The following BCL6 variants were observed in gnomAD, a reference collection of about 807,000 sequenced individuals.
BCL6 encodes the protein BCL6 transcription repressor, also known as B-cell lymphoma 6 protein.
In BCL6, 7 loss-of-function variants were observed where a neutral mutation model predicts 59.5. That is an observed-to-expected ratio of 0.12 (90% CI 0.07 to 0.22). The LOEUF (loss-of-function observed/expected upper bound fraction) is 0.22. Among genes scored for constraint, BCL6 ranks in the 10% least tolerant of loss-of-function variants. The pLI, the probability that BCL6 is intolerant of heterozygous loss-of-function variation, is 1.00. For missense variants in BCL6, 685 were observed against 939.4 expected (o/e 0.73, Z 3.54); for synonymous variants, 339 against 349.7 (o/e 0.97, Z 0.34).
At chr3:187,726,982 C>G (rs1718738545) in intron 6 of BCL6, 84 bp from the exon 7 acceptor site, 1 of 1,478,094 alleles carries the variant, frequency 6.8e-7, no homozygotes, top group African/African-American at 1.4e-5. Flanking sequence ...TGTAGCTACC[C>G]CTTGTGCCAA....
chr3:187,745,186 G>C (rs186748895), intron 1 of BCL6, among the ~76,000 whole-genome samples: 12 of 152,004 alleles, frequency 7.9e-5, no homozygotes, highest in Middle Eastern at 3.4e-3. Context: ...CTAATCTTCG[G>C]CATTTATTTT....
chr3:187,729,753 T>A lies in BCL6; in HGVS notation c.652A>T (p.Met218Leu). ...FSDEEFRDVRMPVANPFPKER... is the reference protein window; with the variant it reads ...FSDEEFRDVRLPVANPFPKER... ...TTGGGGAAGGGGTTGGCCACAGGCA[T>A]CCGGACATCCCGAAACTCCTCATCG... Residue 218 changes from methionine (M) to leucine (L), a missense_variant, in exon 5 of 10, where the codon ATG becomes TTG. Met to Leu is a conservative substitution (Grantham distance 15, BLOSUM62 2). Transcript: ENST00000406870. The surrounding 1 kb of genome is among the most constrained non-coding windows in gnomAD (Gnocchi z 5.6). 2 of 1,614,126 alleles carry A rather than the reference T, an allele frequency of 1.2e-6. No homozygotes were observed. The highest frequency in any genetic ancestry group is 1.7e-6 in the Non-Finnish European group (2 of 1,180,028).
At position 187,729,611 on chromosome 3, in the gene BCL6, A is replaced by T; in HGVS notation, c.794T>A (p.Ile265Asn). ...CATATCACTTCGTGCCTCTTCTGGG[A>T]TTGTTTCCTTGGGTGAATAGATATT... ...HSNIYSPKETIPEEARSDMHY... is the reference protein window; with the variant it reads ...HSNIYSPKETNPEEARSDMHY... The change falls in exon 5 of 10, where the codon ATC (isoleucine) becomes AAC (asparagine). Residue 265 changes from isoleucine (I) to asparagine (N), a missense_variant. Physicochemically the swap from Ile to Asn is moderately radical, Grantham distance 149. This residue lies in a region of BCL6 where 268 missense variants were observed against 263.8 expected (regional missense o/e 1.02). Coordinates refer to ENST00000406870, the MANE Select transcript of BCL6 (RefSeq NM_001706.5). The surrounding 1 kb of genome is among the most constrained non-coding windows in gnomAD (Gnocchi z 5.6). The T allele has an allele frequency of 6.2e-7, 1 of 1,613,954 alleles. No individual in the cohort carries two copies.
chr3:187,744,275 T>A (rs546660382), intron 1 of BCL6, among the ~76,000 whole-genome samples: 1 of 151,626 alleles, frequency 6.6e-6, no homozygotes, highest in African/African-American at 2.4e-5. Flanking sequence ...GTTCCCTGAG[T>A]CCCCCCGCAC....
chr3:187,733,515 T>C lies in BCL6; in HGVS notation c.161+18A>G. On this transcript the variant is annotated intron_variant, in intron 3 of 9. Coordinates refer to ENST00000406870, the MANE Select transcript of BCL6 (RefSeq NM_001706.5). The stretch of plus-strand genomic sequence containing the variant: ...ACCCCACTTTGACTTACCCACCCTT[T>C]CCTTTCAGATCCCTCACCTGCAGGC... The C allele has an allele frequency of 6.2e-7, 1 of 1,610,300 alleles. No individual in the cohort carries two copies.
chr3:187,728,475 G>A lies in BCL6; in HGVS notation c.1425C>T (p.Cys475=), dbSNP rs776603632. The change falls in exon 6 of 10, where the codon TGC becomes TGT. Residue 475 remains cysteine (C), a synonymous_variant. Transcript: ENST00000406870. ...GTGGGGACTGAGAGCCGCAGGACGT[G>A]CACTTCGGGGGGTGCATGTAGAGTG... ...HSPLYMHPPK[C]TSCGSQSPQH... The A allele has an allele frequency of 9.9e-6, 16 of 1,611,964 alleles. No homozygotes were observed. In the East Asian group the frequency reaches 2.7e-4, roughly 27 times the overall value.
intron 1 of BCL6, among the ~76,000 whole-genome samples, chr3:187,742,091 T>C: frequency 6.6e-6 from 1 of 152,236 alleles, no homozygotes; most frequent in East Asian, 1.9e-4. Context: ...CCGTTAGTTT[T>C]ATCTCCCCTA....
At chr3:187,744,571 T>A (rs188624839) in intron 1 of BCL6, among the ~76,000 whole-genome samples, 2 of 152,154 alleles carry the variant, frequency 1.3e-5, no homozygotes, top group Admixed American at 6.5e-5. Context: ...TCTGGATTTA[T>A]GACCAAAAAA....
intron 1 of BCL6, among the ~76,000 whole-genome samples, chr3:187,740,246 G>C (rs1343728719): frequency 2.0e-5 from 3 of 151,770 alleles, no homozygotes; most frequent in Admixed American, 6.6e-5. Flanking sequence ...ACACACACCC[G>C]GTTTCTCGCC....
intron 3 of BCL6, among the ~76,000 whole-genome samples, chr3:187,733,149 A>G (rs903126097): frequency 6.6e-6 from 1 of 152,238 alleles, no homozygotes; most frequent in Admixed American, 6.5e-5. Context: ...CATTTATAGC[A>G]TAAAAGAGCA....
chr3:187,726,676 C>T, intron 7 of BCL6, 55 bp downstream of exon 7: 1 of 1,589,512 alleles, frequency 6.3e-7, no homozygotes, highest in Non-Finnish European at 8.6e-7. Context: ...GGATCCTCTC[C>T]CTGTCCTGCC....
intron 1 of BCL6, among the ~76,000 whole-genome samples, chr3:187,744,924 G>A (rs1711841598): frequency 6.6e-6 from 1 of 152,262 alleles, no homozygotes; most frequent in South Asian, 2.1e-4. Flanking sequence ...GCGCGAGCGC[G>A]CGTCCTCTCC....
rs1200534732 is a variant in BCL6 at position 187,726,725 on chromosome 3, C to T, written c.1708+6G>A. 6.2e-7 allele frequency: 1 copy of T among 1,613,444 alleles called. No individual in the cohort carries two copies. The highest frequency in any genetic ancestry group is 2.2e-5 in the East Asian group (1 of 44,828). On this transcript the variant is annotated splice_donor_region_variant and intron_variant, in intron 7 of 9. Transcript: ENST00000406870. ...AGAGTTCGGGTCGTGTGGGGCAGGG[C>T]CATACCGGTATGGACGGTCTTGTGG...
chr3:187,725,360 C>T lies in BCL6; in HGVS notation c.1839+139G>A, dbSNP rs1322941450. On this transcript the variant is annotated intron_variant, in intron 8 of 9. Coordinates refer to ENST00000406870, the MANE Select transcript of BCL6 (RefSeq NM_001706.5). The surrounding 1 kb of genome is among the most constrained non-coding windows in gnomAD (Gnocchi z 4.7). The stretch of plus-strand genomic sequence containing the variant: ...GGGGACTGAGTGGGACTTTCTCCTG[C>T]CCGCTCTGCTCACCTGCCCGCTCCG... The T allele has an allele frequency of 6.7e-7, 1 of 1,491,224 alleles. No homozygotes were observed. The highest frequency in any genetic ancestry group is 2.1e-5 in the Admixed American group (1 of 48,574). The allele number at this position is 1,491,224 out of a possible 1,614,324, so 92.4% of individuals were successfully genotyped here. A position where few individuals can be genotyped will look rare whatever the true frequency, so the allele number is the denominator to read the frequency against.
chr3:187,741,782 A>C (rs1300206585), intron 1 of BCL6, among the ~76,000 whole-genome samples: 1 of 152,058 alleles, frequency 6.6e-6, no homozygotes, highest in Non-Finnish European at 1.5e-5. Flanking sequence ...CCCCCTACAC[A>C]TACGTCCTGC....
At chr3:187,744,624 C>G (rs552646009) in intron 1 of BCL6, among the ~76,000 whole-genome samples, 1 of 152,138 alleles carries the variant, frequency 6.6e-6, no homozygotes, top group African/African-American at 2.4e-5. Flanking sequence ...TTTTTTCCTT[C>G]CAAATCTCGG....
chr3:187,744,693 C>A (rs1292635182), intron 1 of BCL6, among the ~76,000 whole-genome samples: 8 of 151,950 alleles, frequency 5.3e-5, no homozygotes, highest in Admixed American at 1.3e-4. Flanking sequence ...GCCAGCGGGG[C>A]GAGCGAGCGG....
chr3:187,744,550 A>T (rs190811069), intron 1 of BCL6, among the ~76,000 whole-genome samples: 1 of 152,304 alleles, frequency 6.6e-6, no homozygotes, highest in East Asian at 1.9e-4. Flanking sequence ...TAGACACGAT[A>T]CTTCATCTCA....
intron 1 of BCL6, among the ~76,000 whole-genome samples, chr3:187,740,670 C>T (rs1293000437): frequency 6.6e-6 from 1 of 152,198 alleles, no homozygotes; most frequent in Non-Finnish European, 1.5e-5. Flanking sequence ...CAAGCCTCCT[C>T]GTCGGGCCTG....
Sources: gnomAD v4.1 joint callset for allele counts (sites outside exome capture counted in the v4.1 genomes callset) on GRCh38, gnomAD v4.1.1 for gene constraint, gnomAD v4.1.1 regional missense constraint, Gnocchi (gnomAD v3.1) non-coding constraint, MANE v1.5 for transcripts, NCBI Gene and HGNC (gene_info 2026-07-23, HGNC 2026-07-21) for gene names.